The following NEGR1 variants were observed in gnomAD, a reference collection of about 807,000 sequenced individuals.
NEGR1 encodes IgLON family member 4.
NEGR1 carries 10 observed loss-of-function variants against 40.9 expected under a neutral mutation model. That is an observed-to-expected ratio of 0.24 (90% CI 0.15 to 0.42). The LOEUF (loss-of-function observed/expected upper bound fraction) is 0.42. NEGR1 is among the 10% of genes least tolerant of loss of function. The pLI is 1.00. For synonymous variants in NEGR1, 185 were observed against 166.8 expected (o/e 1.11, Z -0.84); for missense variants, 352 against 438.9 (o/e 0.80, Z 1.77).
chr1:71,992,606 T>G (rs941950806), intron 1 of NEGR1, among the ~76,000 whole-genome samples: 1 of 152,234 alleles, frequency 6.6e-6, no homozygotes, highest in Non-Finnish European at 1.5e-5. Flanking sequence ...GAACCCTTTT[T>G]ATATGCAGTC....
chr1:71,729,468 A>C (rs1008480616), intron 3 of NEGR1, among the ~76,000 whole-genome samples: 2 of 152,096 alleles, frequency 1.3e-5, no homozygotes, highest in Non-Finnish European at 2.9e-5. Context: ...GCTCTAGAAG[A>C]TGCTTTTTTC....
At chr1:72,122,491 A>G (rs1649840764) in intron 1 of NEGR1, among the ~76,000 whole-genome samples, 1 of 152,006 alleles carries the variant, frequency 6.6e-6, no homozygotes, top group Non-Finnish European at 1.5e-5. Context: ...CCCTGGGTAC[A>G]TTTATGAGAA....
chr1:71,612,170 C>T (rs1007253766), intron 4 of NEGR1, among the ~76,000 whole-genome samples: 4 of 152,096 alleles, frequency 2.6e-5, no homozygotes, highest in Non-Finnish European at 5.9e-5. Context: ...TGCAGTGAGC[C>T]GAGATTGTGC....
intron 1 of NEGR1, among the ~76,000 whole-genome samples, chr1:72,063,524 C>T (rs931339232): frequency 1.3e-5 from 2 of 151,896 alleles, no homozygotes; most frequent in African/African-American, 4.8e-5. Flanking sequence ...TAGTTATGCA[C>T]AGTGTACTGG....
At chr1:72,055,987 G>A (rs1029720193) in intron 1 of NEGR1, among the ~76,000 whole-genome samples, 2 of 150,110 alleles carry the variant, frequency 1.3e-5, no homozygotes, top group Non-Finnish European at 3.0e-5. Flanking sequence ...CTAAAATTCT[G>A]GTATTAATTC....
chr1:72,152,912 G>T (rs1197427036), intron 1 of NEGR1, among the ~76,000 whole-genome samples: 1 of 151,928 alleles, frequency 6.6e-6, no homozygotes, highest in Admixed American at 6.6e-5. Flanking sequence ...GTTCTTACTT[G>T]TAAGTGTGAG....
chr1:71,797,746 C>T (rs1226446866), intron 2 of NEGR1, among the ~76,000 whole-genome samples: 2 of 152,006 alleles, frequency 1.3e-5, no homozygotes, highest in Non-Finnish European at 2.9e-5. Flanking sequence ...ATACATTATA[C>T]ATTAATTTAT....
chr1:71,648,410 C>G (rs1025732674), intron 4 of NEGR1, among the ~76,000 whole-genome samples: 3 of 152,108 alleles, frequency 2.0e-5, no homozygotes, highest in Non-Finnish European at 4.4e-5. Flanking sequence ...TTATTTGGTC[C>G]TGTTCTCTCA....
At chr1:72,183,864 C>G (rs893012648) in intron 1 of NEGR1, among the ~76,000 whole-genome samples, 4 of 151,872 alleles carry the variant, frequency 2.6e-5, no homozygotes, top group African/African-American at 9.7e-5. Context: ...GATTGGCCTT[C>G]AAGTATGAGT....
intron 1 of NEGR1, among the ~76,000 whole-genome samples, chr1:72,080,669 C>T (rs1254211694): frequency 6.6e-6 from 1 of 152,044 alleles, no homozygotes; most frequent in Non-Finnish European, 1.5e-5. Flanking sequence ...GTATTCTGTT[C>T]TGACCATATA....
At chr1:71,849,546 T>G (rs1386878787) in intron 2 of NEGR1, among the ~76,000 whole-genome samples, 1 of 152,160 alleles carries the variant, frequency 6.6e-6, no homozygotes, top group Non-Finnish European at 1.5e-5. Flanking sequence ...CTACATAAAT[T>G]TATTTGCTAA....
Position 72,090,621 on chromosome 1 carries a change from A to AT in NEGR1, c.177-155311dup, listed in dbSNP as rs111607398. On this transcript the variant is annotated intron_variant, in intron 1 of 6. Coordinates refer to ENST00000357731, the MANE Select transcript of NEGR1 (RefSeq NM_173808.3). ...GGTCATCTACCTGATAATTTGGATA[A>AT]TTTTTTTTTTAAACAGGAAGCAAGT... Among the ~76,000 whole-genome samples, 1,471 of 150,392 alleles carry AT rather than the reference A, an allele frequency of 9.8e-3. 28 individuals carry two copies. The highest frequency in any genetic ancestry group is 0.032 in the African/African-American group (1,315 of 41,082).
intron 4 of NEGR1, among the ~76,000 whole-genome samples, chr1:71,656,144 C>T (rs1651865000): frequency 6.6e-6 from 1 of 152,074 alleles, no homozygotes; most frequent in Non-Finnish European, 1.5e-5. Flanking sequence ...AAACTTTATC[C>T]CCACAGCCCA....
rs902797065 is a variant in NEGR1, at chr1:71,531,505, G to A, written c.940+61312C>T. ...AGATTATGATCTCATATGAACCTGA[G>A]ATTATATTAATCTGTAGAGGACAAA... On this transcript the variant is annotated intron_variant, in intron 6 of 6. Transcript: ENST00000357731. 3.3e-5 allele frequency among the ~76,000 whole-genome samples: 5 copies of A among 151,312 alleles called. No homozygotes were observed. The East Asian group carries it at 9.8e-4, about 30-fold the overall frequency.
intron 1 of NEGR1, among the ~76,000 whole-genome samples, chr1:72,218,251 T>A (rs2100476965): frequency 6.6e-6 from 1 of 152,076 alleles, no homozygotes; most frequent in East Asian, 1.9e-4. Flanking sequence ...ACATAAATTG[T>A]CATTAGCCAG....
chr1:72,194,476 A>C (rs2100434932), intron 1 of NEGR1, among the ~76,000 whole-genome samples: 1 of 152,118 alleles, frequency 6.6e-6, no homozygotes, highest in African/African-American at 2.4e-5. Context: ...AAAGTTGCCA[A>C]GATTCCCTAG....
intron 4 of NEGR1, among the ~76,000 whole-genome samples, chr1:71,644,812 G>T (rs1651478315): frequency 6.6e-6 from 1 of 151,906 alleles, no homozygotes; most frequent in Non-Finnish European, 1.5e-5. Flanking sequence ...GAAGCCTCTT[G>T]TGTTATTTCC....
At chr1:72,281,399 T>A (rs546591819) in intron 1 of NEGR1, among the ~76,000 whole-genome samples, 2 of 148,316 alleles carry the variant, frequency 1.3e-5, no homozygotes, top group South Asian at 4.1e-4. Flanking sequence ...TGCCAGTGCA[T>A]GTGAGGATGT....
intron 1 of NEGR1, among the ~76,000 whole-genome samples, chr1:72,048,282 G>T (rs1202398984): frequency 2.0e-5 from 3 of 151,574 alleles, no homozygotes; most frequent in Non-Finnish European, 4.4e-5. Flanking sequence ...CAGAATGTTA[G>T]AATTGGAAGC....
Sources: allele counts gnomAD v4.1 joint callset (sites outside exome capture counted in the v4.1 genomes callset), GRCh38; gene constraint gnomAD v4.1.1; transcripts MANE v1.5; gene names NCBI Gene and HGNC (gene_info 2026-07-23, HGNC 2026-07-21).